CDH13: variants seen among roughly 807,000 people sequenced by gnomAD.
CDH13 encodes cadherin-13.
CDH13 carries 24 observed loss-of-function variants against 63.8 expected under a neutral mutation model. The observed-to-expected ratio is 0.38, with a 90% CI of 0.27 to 0.53. The LOEUF (loss-of-function observed/expected upper bound fraction) is 0.53. Ranked by LOEUF, CDH13 falls within the 20% of genes least tolerant of loss-of-function variation. The pLI is 0.85. For missense variants in CDH13, 1,049 were observed against 903.1 expected (o/e 1.16, Z -2.07); for synonymous variants, 503 against 355.3 (o/e 1.42, Z -4.67).
chr16:83,153,522 A>G (rs1332661308), intron 4 of CDH13, among the ~76,000 whole-genome samples: 1 of 152,280 alleles, frequency 6.6e-6, no homozygotes, highest in African/African-American at 2.4e-5. Flanking sequence ...GGCTGTTATC[A>G]CCTTTGTTTT....
chr16:83,182,560 C>T (rs1342453715), intron 4 of CDH13, among the ~76,000 whole-genome samples: 2 of 152,160 alleles, frequency 1.3e-5, no homozygotes, highest in Admixed American at 1.3e-4. Context: ...TTAAAGTCTG[C>T]GGACACTTGA....
chr16:83,277,994 A>C (rs1304069576), intron 5 of CDH13, among the ~76,000 whole-genome samples: 1 of 152,174 alleles, frequency 6.6e-6, no homozygotes, highest in Non-Finnish European at 1.5e-5. Flanking sequence ...TGTCAACTTA[A>C]TTTGTTAAAA....
rs192748499 is a variant in CDH13 at position 83,192,548 on chromosome 16, C to T, written c.484-24797C>T. 3.2e-3 allele frequency among the ~76,000 whole-genome samples: 487 copies of T among 152,196 alleles called. 2 individuals are homozygous for T. The highest frequency in any genetic ancestry group is 0.011 in the African/African-American group (447 of 41,522). ...AAAGTGATATCCCCAGAGCTGTATC[C>T]AAAGAAGAAATGTAAATCCAGAGGC... On this transcript the variant is annotated intron_variant, in intron 4 of 13. Coordinates refer to ENST00000567109, the MANE Select transcript of CDH13 (RefSeq NM_001257.5).
chr16:83,541,267 T>C (rs2075291267), intron 7 of CDH13, among the ~76,000 whole-genome samples: 1 of 152,194 alleles, frequency 6.6e-6, no homozygotes, highest in African/African-American at 2.4e-5. Flanking sequence ...TGTCATAATA[T>C]TGAGGCATTG....
intron 7 of CDH13, among the ~76,000 whole-genome samples, chr16:83,491,750 G>A (rs550287813): frequency 7.2e-4 from 110 of 152,186 alleles, no homozygotes; most frequent in Non-Finnish European, 1.2e-3. Context: ...ATAATCTAGG[G>A]AAAGTGATAG....
At chr16:83,036,562 C>T (rs1916874933) in intron 3 of CDH13, among the ~76,000 whole-genome samples, 1 of 152,152 alleles carries the variant, frequency 6.6e-6, no homozygotes, top group East Asian at 1.9e-4. Context: ...GCAAGGCCTG[C>T]AACCCAGAAT....
chr16:83,769,422 G>T (rs1914614578), intron 11 of CDH13, among the ~76,000 whole-genome samples: 2 of 152,208 alleles, frequency 1.3e-5, no homozygotes, highest in Admixed American at 1.3e-4. Flanking sequence ...CAATTAACAA[G>T]ATCCAGGCCT....
intron 2 of CDH13, among the ~76,000 whole-genome samples, chr16:82,881,367 G>A (rs1338906715): frequency 2.0e-5 from 3 of 152,114 alleles, no homozygotes; most frequent in African/African-American, 7.2e-5. Flanking sequence ...GGGGAAGAAA[G>A]CTGGAGTCTG....
At chr16:83,395,218 G>T (rs1329715767) in intron 6 of CDH13, among the ~76,000 whole-genome samples, 2 of 151,320 alleles carry the variant, frequency 1.3e-5, no homozygotes, top group Non-Finnish European at 2.9e-5. Flanking sequence ...GGAGGCTGAG[G>T]CAGGAGAATC....
At chr16:83,332,529 A>G (rs2151904771) in intron 5 of CDH13, among the ~76,000 whole-genome samples, 1 of 152,334 alleles carries the variant, frequency 6.6e-6, no homozygotes, top group Admixed American at 6.5e-5. Flanking sequence ...GAAAGGAAAA[A>G]GGGCACGTAA....
At chr16:82,863,866 A>T (rs1038343332) in intron 2 of CDH13, among the ~76,000 whole-genome samples, 1 of 149,216 alleles carries the variant, frequency 6.7e-6, no homozygotes, top group Non-Finnish European at 1.5e-5. Context: ...ATTTTTTTAA[A>T]TCCTAGATTG....
chr16:82,766,186 A>G (rs1484182810), intron 1 of CDH13, among the ~76,000 whole-genome samples: 1 of 152,222 alleles, frequency 6.6e-6, no homozygotes, highest in African/African-American at 2.4e-5. Flanking sequence ...GGCTTCTGCT[A>G]AAAAGTCTTA....
At chr16:82,888,600 G>A (rs2040973016) in intron 2 of CDH13, among the ~76,000 whole-genome samples, 1 of 152,208 alleles carries the variant, frequency 6.6e-6, no homozygotes, top group Admixed American at 6.5e-5. Flanking sequence ...GCAGGGTTCA[G>A]AAAAGCTTGG....
At chr16:83,229,499 T>C (rs1173632450) in intron 5 of CDH13, among the ~76,000 whole-genome samples, 1 of 152,186 alleles carries the variant, frequency 6.6e-6, no homozygotes, top group Admixed American at 6.5e-5. Flanking sequence ...TGAGGGTTTT[T>C]TTTTTCTTCT....
chr16:83,727,477 C>A (rs1352353417), intron 10 of CDH13, among the ~76,000 whole-genome samples: 1 of 151,836 alleles, frequency 6.6e-6, no homozygotes, highest in Non-Finnish European at 1.5e-5. Context: ...ACATCTTCTT[C>A]TGCTTGCTTT....
At chr16:83,428,924 T>A (rs2072002015) in intron 6 of CDH13, among the ~76,000 whole-genome samples, 1 of 152,238 alleles carries the variant, frequency 6.6e-6, no homozygotes, top group Non-Finnish European at 1.5e-5. Flanking sequence ...ATTACATTTA[T>A]CTTTAATAAC....
At chr16:83,521,260 A>G (rs958230222) in intron 7 of CDH13, among the ~76,000 whole-genome samples, 8 of 151,998 alleles carry the variant, frequency 5.3e-5, no homozygotes, top group Non-Finnish European at 1.0e-4. Flanking sequence ...AGGCTTTATT[A>G]TTTTAAGTTA....
At chr16:83,756,673 A>C (rs958504855) in intron 11 of CDH13, among the ~76,000 whole-genome samples, 11 of 152,374 alleles carry the variant, frequency 7.2e-5, no homozygotes, top group Admixed American at 7.2e-4. Context: ...CCCTGTTTAA[A>C]ACAAGAAACA....
intron 2 of CDH13, among the ~76,000 whole-genome samples, chr16:82,999,885 G>A (rs550821343): frequency 7.3e-4 from 111 of 152,188 alleles, no homozygotes; most frequent in African/African-American, 2.2e-3. Context: ...CTCTAAACCC[G>A]GGACAATTTC....
Sources: gnomAD v4.1 joint callset for allele counts (sites outside exome capture counted in the v4.1 genomes callset) on GRCh38, gnomAD v4.1.1 for gene constraint, MANE v1.5 for transcripts, NCBI Gene and HGNC (gene_info 2026-07-23, HGNC 2026-07-21) for gene names.